SPNS1: variants seen among roughly 807,000 people sequenced by gnomAD.
The protein encoded by SPNS1 is SPNS lysolipid transporter 1, lysophospholipid.
Under a neutral mutation model 50.3 loss-of-function variants are expected in SPNS1, and 22 were observed. The ratio of observed to expected loss-of-function variants is 0.44; its 90% CI spans 0.31 to 0.62. The LOEUF is 0.62. SPNS1 is among the 20% of genes least tolerant of loss of function. The pLI is 0.07. For synonymous variants in SPNS1, 295 were observed against 317.4 expected (o/e 0.93, Z 0.75); for missense variants, 576 against 728.6 (o/e 0.79, Z 2.41).
At chr16:28,984,756 C>G, downstream of SPNS1, 1 of 1,038,254 alleles carries the variant, frequency 9.6e-7, no homozygotes. Flanking sequence ...TGGAGCCTGT[C>G]CCTTGCCTCA....
chr16:28,982,709 C>T, intron 8 of SPNS1, 148 bp from the exon 9 acceptor site: 1 of 1,209,790 alleles, frequency 8.3e-7, no homozygotes, highest in South Asian at 1.4e-5. Context: ...TGCTCAGTTT[C>T]ATCATGTGTA....
At position 28,983,840 on chromosome 16, in the gene SPNS1, G is replaced by GTCCCA; in HGVS notation, c.1375_1376insTCCCA (p.Ala459ValfsTer?). On this transcript the variant is annotated frameshift_variant, in exon 11 of 12. Coordinates refer to ENST00000311008, the MANE Select transcript of SPNS1 (RefSeq NM_032038.3). LOFTEE classifies it high-confidence loss of function. This position sits in a 1 kb window ranked among gnomAD's most constrained non-coding sequence, Gnocchi z 5.4. ...CCCCTCCTTCTTGTCCGAGTTCCGG[G>GTCCCA]CTCTGCAGTTCTCGCTCATGCTCTG... 1 of 1,604,716 alleles carries GTCCCA rather than the reference G, an allele frequency of 6.2e-7. No homozygotes were observed. Among genetic ancestry groups the GTCCCA allele is most frequent in the Non-Finnish European group, 8.5e-7 (1 of 1,179,068 alleles).
At position 28,975,546 on chromosome 16, in the gene SPNS1, T is replaced by C; in HGVS notation, c.296T>C (p.Leu99Pro). Residue 99 changes from leucine (L) to proline (P), a missense_variant, in exon 2 of 12, where the codon CTC (leucine) becomes CCC (proline). This residue lies in a region of SPNS1 where 144 missense variants were observed against 181.2 expected (regional missense o/e 0.79). Coordinates refer to ENST00000311008, the MANE Select transcript of SPNS1 (RefSeq NM_032038.3). Reference sequence around the variant, plus strand: ...AACATCGGGGACAGTAGCTCTGGGCTCATCCAGACCGGTGAGTGGGGACCA... The same window carrying C: ...AACATCGGGGACAGTAGCTCTGGGCCCATCCAGACCGGTGAGTGGGGACCA... ...FFNIGDSSSG[L>P]IQTVFISSYM... is the part of the protein sequence containing the mutation. 6.2e-7 allele frequency: 1 copy of C among 1,614,210 alleles called. No individual in the cohort carries two copies. The highest frequency in any genetic ancestry group is 8.5e-7 in the Non-Finnish European group (1 of 1,180,040).
rs1018913891 is a variant in SPNS1, at chr16:28,981,511, C to G, written c.705C>G (p.Phe235Leu). 1 of 1,614,116 alleles carries G rather than the reference C, an allele frequency of 6.2e-7. No homozygotes were observed. Among genetic ancestry groups the G allele is most frequent in the Admixed American group, 1.7e-5 (1 of 60,020 alleles). Residue 235 changes from phenylalanine to leucine, a missense_variant, in exon 6 of 12, where the codon TTC becomes TTG. Around this residue, in one of 3 missense-constraint regions of SPNS1, gnomAD observed 428 missense variants for 520.1 expected, o/e 0.82. Coordinates refer to ENST00000311008, the MANE Select transcript of SPNS1 (RefSeq NM_032038.3). This position sits in a 1 kb window ranked among gnomAD's most constrained non-coding sequence, Gnocchi z 4.2. The stretch of plus-strand genomic sequence containing the variant: ...GAGTGGTGGCCGTTCTGCTGCTGTT[C>G]CTGGTAGTGCGGGAGCCGCCAAGGG... ...GLGVVAVLLLFLVVREPPRGA... is the reference protein window; with the variant it reads ...GLGVVAVLLLLLVVREPPRGA...
chr16:28,982,971 G>C, intron 9 of SPNS1, 49 bp downstream of exon 9: 1 of 1,602,808 alleles, frequency 6.2e-7, no homozygotes, highest in Non-Finnish European at 8.5e-7. Flanking sequence ...GATGAGAGCA[G>C]AGTTGGGGTC....
intron 5 of SPNS1, among the ~76,000 whole-genome samples, chr16:28,980,932 G>A (rs1344633567): frequency 6.6e-6 from 1 of 152,214 alleles, no homozygotes. Flanking sequence ...GAAAGTCCCA[G>A]GTGAGCTTCA....
At chr16:28,975,437 C>T in intron 1 of SPNS1, 45 bp downstream of exon 1, 1 of 1,614,204 alleles carries the variant, frequency 6.2e-7, no homozygotes, top group Non-Finnish European at 8.5e-7. Context: ...GAGAGGGGAG[C>T]CAGGGTCCCG....
rs886952347 is a variant in SPNS1 at position 28,981,727 on chromosome 16, G to A, written c.809+112G>A. The A allele has an allele frequency of 3.3e-6, 5 of 1,520,720 alleles. No individual in the cohort carries two copies. Among genetic ancestry groups the A allele is most frequent in the South Asian group, 1.2e-5 (1 of 80,424 alleles). The allele number at this position is 1,520,720 out of a possible 1,614,324, so 94.2% of individuals were successfully genotyped here. On this transcript the variant is annotated intron_variant, in intron 6 of 11. Transcript: ENST00000311008. This position sits in a 1 kb window ranked among gnomAD's most constrained non-coding sequence, Gnocchi z 4.2. Reference sequence around the variant, plus strand: ...ACACCCCAAGGCCAGTAATTCGGTCGATACTGTCCCCTTGTGGCAGCTGCT... The same window carrying A: ...ACACCCCAAGGCCAGTAATTCGGTCAATACTGTCCCCTTGTGGCAGCTGCT...
rs545915891 is a variant in SPNS1, at chr16:28,984,308, C to T, written c.*9C>T. 1.7e-5 allele frequency: 28 copies of T among 1,610,626 alleles called. No homozygotes were observed. Among genetic ancestry groups the T allele is most frequent in the South Asian group, 1.1e-4 (10 of 91,006 alleles). On this transcript the variant is annotated 3_prime_UTR_variant, in exon 12 of 12. Coordinates refer to ENST00000311008, the MANE Select transcript of SPNS1 (RefSeq NM_032038.3). The stretch of plus-strand genomic sequence containing the variant: ...CCAGTGTGCTCATCTGAGAGGCTGC[C>T]GCTCACCTACCTGCACATCTGCCAC...
rs760047472 is a variant in SPNS1, at chr16:28,974,906, G to A, written c.-246G>A. 2 of 1,524,280 alleles carry A rather than the reference G, an allele frequency of 1.3e-6. No individual in the cohort carries two copies. The highest frequency in any genetic ancestry group is 1.2e-5 in the South Asian group (1 of 83,004). The allele number at this position is 1,524,280 out of a possible 1,614,324, so 94.4% of individuals were successfully genotyped here. A position where few individuals can be genotyped will look rare whatever the true frequency, so the allele number is the denominator to read the frequency against. On this transcript the variant is annotated 5_prime_UTR_variant, in exon 1 of 12. Coordinates refer to ENST00000311008, the MANE Select transcript of SPNS1 (RefSeq NM_032038.3). ...CGTGGGATCGTGCCCTCTTCAGCCC[G>A]CTCCTGTCCCCGACATCACGTGTAT...
rs760091125 is a variant in SPNS1 at position 28,975,342 on chromosome 16, T to C, written c.191T>C (p.Val64Ala). The change falls in exon 1 of 12, where the codon GTG (valine) becomes GCG (alanine). Residue 64 changes from valine (V) to alanine (A), a missense_variant. Around this residue, in one of 3 missense-constraint regions of SPNS1, gnomAD observed 144 missense variants for 181.2 expected, o/e 0.79. Transcript: ENST00000311008. ...GGCCGTTCGGCTCTCATAGTGGCGG[T>C]GCTGTGCTACATCAATCTCCTGAAC... ...SPGRSALIVA[V>A]LCYINLLNYM... 27 of 1,583,638 alleles carry C rather than the reference T, an allele frequency of 1.7e-5. No individual in the cohort carries two copies. Among genetic ancestry groups the C allele is most frequent in the Non-Finnish European group, 2.3e-5 (27 of 1,160,258 alleles).
intron 2 of SPNS1, among the ~76,000 whole-genome samples, chr16:28,977,045 C>T (rs1315288212): frequency 1.3e-5 from 2 of 152,148 alleles, no homozygotes; most frequent in Non-Finnish European, 2.9e-5. Context: ...ACAGTCCAGG[C>T]GCTGTGGCTC....
Position 28,983,142 on chromosome 16 carries a change from T to A in SPNS1, c.1222-50T>A. On this transcript the variant is annotated intron_variant, in intron 9 of 11. Coordinates refer to ENST00000311008, the MANE Select transcript of SPNS1 (RefSeq NM_032038.3). The surrounding 1 kb of genome is among the most constrained non-coding windows in gnomAD (Gnocchi z 5.4). Reference sequence around the variant, plus strand: ...GGTGGTCTCCTGGCCCCCTGCCTCCTGCCCCCTGGAGCCCAGAGCATCCAC... The same window carrying A: ...GGTGGTCTCCTGGCCCCCTGCCTCCAGCCCCCTGGAGCCCAGAGCATCCAC... The A allele has an allele frequency of 6.8e-7, 1 of 1,468,964 alleles. No individual in the cohort carries two copies. The highest frequency in any genetic ancestry group is 1.1e-5 in the South Asian group (1 of 87,724). The allele number at this position is 1,468,964 out of a possible 1,614,324, so 91.0% of individuals were successfully genotyped here.
chr16:28,977,921 T>C lies in SPNS1; in HGVS notation c.321T>C (p.Ser107=). ...SGLIQTVFIS[S]YMVLAPVFGY... is the part of the protein sequence containing the mutation. ...GCTTCCCCCTAGTGTTCATCTCCAG[T>C]TACATGGTGTTGGCACCTGTGTTTG... The change falls in exon 3 of 12, where the codon AGT becomes AGC. Residue 107 remains serine, a synonymous_variant. Coordinates refer to ENST00000311008, the MANE Select transcript of SPNS1 (RefSeq NM_032038.3). 6.2e-7 allele frequency: 1 copy of C among 1,613,862 alleles called. No homozygotes were observed. The highest frequency in any genetic ancestry group is 8.5e-7 in the Non-Finnish European group (1 of 1,179,858).
rs368767221 is a variant in SPNS1 at position 28,982,557 on chromosome 16, G to A, written c.1155+12G>A. ...TCGTGGCCACTTATGTGAGTAGCCA[G>A]CAGGTGTCAAGGGGGATGGCGTGGG... On this transcript the variant is annotated intron_variant, in intron 8 of 11. Coordinates refer to ENST00000311008, the MANE Select transcript of SPNS1 (RefSeq NM_032038.3). 66 of 1,594,486 alleles carry A rather than the reference G, an allele frequency of 4.1e-5. No homozygotes were observed. The highest frequency in any genetic ancestry group is 2.9e-4 in the South Asian group (26 of 89,608).
At chr16:28,984,730 C>T (rs1965697838), downstream of SPNS1, 5 of 819,560 alleles carry the variant, frequency 6.1e-6, no homozygotes, top group Non-Finnish European at 2.0e-6. Flanking sequence ...GACCGTGAGT[C>T]ACGCCCCTGC....
Position 28,981,380 on chromosome 16 carries a change from G to T in SPNS1, c.664-90G>T. On this transcript the variant is annotated intron_variant, in intron 5 of 11. Transcript: ENST00000311008. This position sits in a 1 kb window ranked among gnomAD's most constrained non-coding sequence, Gnocchi z 4.2. Reference sequence around the variant, plus strand: ...CTTAACTGGGTATTTTAGGTCTCAGGCTGGAGTTATCTGTACCCCACACTC... The same window carrying T: ...CTTAACTGGGTATTTTAGGTCTCAGTCTGGAGTTATCTGTACCCCACACTC... The T allele has an allele frequency of 6.5e-7, 1 of 1,535,528 alleles. No homozygotes were observed. Among genetic ancestry groups the T allele is most frequent in the Non-Finnish European group, 8.9e-7 (1 of 1,127,142 alleles).
chr16:28,981,760 C>T lies in SPNS1; in HGVS notation c.810-141C>T. 1 of 1,484,278 alleles carries T rather than the reference C, an allele frequency of 6.7e-7. No individual in the cohort carries two copies. Among genetic ancestry groups the T allele is most frequent in the Non-Finnish European group, 9.2e-7 (1 of 1,092,134 alleles). 91.9% of individuals were successfully genotyped at this position (1,484,278 alleles called of 1,614,324 possible). A position where few individuals can be genotyped will look rare whatever the true frequency, so the allele number is the denominator to read the frequency against. ...CCCCTTGTGGCAGCTGCTTGAATTA[C>T]AGGCCCAGATCCTGGGAGCCAGAAC... On this transcript the variant is annotated intron_variant, in intron 6 of 11. Coordinates refer to ENST00000311008, the MANE Select transcript of SPNS1 (RefSeq NM_032038.3). This position sits in a 1 kb window ranked among gnomAD's most constrained non-coding sequence, Gnocchi z 4.2.
In SPNS1 at chr16:28,981,995, C is replaced by T. The variant is rs761273889; in HGVS notation, c.904C>T (p.Arg302Cys). ...GGCTCCGGCATTCCTGCTGCGTTCCCGCGTGGTCCTTGGGGAGACCCCACC... is the reference window on the plus strand; with the variant it reads ...GGCTCCGGCATTCCTGCTGCGTTCCTGCGTGGTCCTTGGGGAGACCCCACC... ...LWAPAFLLRS[R>C]VVLGETPPCL... Residue 302 changes from arginine (R) to cysteine (C), a missense_variant, in exon 7 of 12, where the codon CGC (arginine) becomes TGC (cysteine). This residue lies in a region of SPNS1 where 428 missense variants were observed against 520.1 expected (regional missense o/e 0.82). Transcript: ENST00000311008. The surrounding 1 kb of genome is among the most constrained non-coding windows in gnomAD (Gnocchi z 4.2). The T allele has an allele frequency of 3.0e-5, 49 of 1,614,100 alleles. No individual in the cohort carries two copies. Among genetic ancestry groups the T allele is most frequent in the African/African-American group, 8.0e-5 (6 of 74,946 alleles).
Sources: allele counts gnomAD v4.1 joint callset (sites outside exome capture counted in the v4.1 genomes callset), GRCh38; gene constraint gnomAD v4.1.1; regional missense constraint gnomAD v4.1.1; non-coding constraint Gnocchi (gnomAD v3.1); transcripts MANE v1.5; gene names NCBI Gene and HGNC (gene_info 2026-07-23, HGNC 2026-07-21).